The following ZC4H2 variants were observed in gnomAD, a reference collection of about 807,000 sequenced individuals.
ZC4H2 encodes zinc finger C4H2-type containing, also known as zinc finger C4H2 domain-containing protein.
For synonymous variants in ZC4H2, 84 were observed against 66.3 expected (o/e 1.27, Z -1.30); for missense variants, 137 against 173.9 (o/e 0.79, Z 1.19).
chrX:64,984,872 T>G (rs1020533064), intron 1 of ZC4H2, among the ~76,000 whole-genome samples: 1 of 112,268 alleles, frequency 8.9e-6, no homozygotes, highest in Non-Finnish European at 1.9e-5. Flanking sequence ...CAAGGGCAAC[T>G]TGGAGGTTAG....
chrX:64,936,692 G>GA (rs1266054461), intron 1 of ZC4H2, among the ~76,000 whole-genome samples: 4 of 110,827 alleles, frequency 3.6e-5, no homozygotes, highest in Non-Finnish European at 5.7e-5. Flanking sequence ...AAGTGAAGGA[G>GA]AAAAAAAATC....
In ZC4H2 at chrX:64,917,523, C is replaced by A. The variant is rs1302679125; in HGVS notation, c.*260G>T. ...CTTTTGCCCTTCCCTTAGCTCCAAA[C>A]AAGGGCAGGGGTTGAAATGTGAGTG... On this transcript the variant is annotated 3_prime_UTR_variant, in exon 5 of 5. Transcript: ENST00000374839. 2.2e-5 allele frequency: 7 copies of A among 316,525 alleles called. No individual in the cohort carries two copies. In the Admixed American group the frequency reaches 3.6e-4, roughly 16 times the overall value. The allele number at this position is 316,525 out of a possible 1,213,427, so 26.1% of individuals were successfully genotyped here. A position where few individuals can be genotyped will look rare whatever the true frequency, so the allele number is the denominator to read the frequency against.
intron 1 of ZC4H2, among the ~76,000 whole-genome samples, chrX:65,014,325 T>C (rs1932783312): frequency 9.0e-6 from 1 of 111,698 alleles, no homozygotes; most frequent in South Asian, 3.8e-4. Context: ...CACACTAGTG[T>C]GCCTTGGTAC....
intron 1 of ZC4H2, among the ~76,000 whole-genome samples, chrX:64,927,715 C>T (rs967532023): frequency 2.7e-5 from 3 of 112,382 alleles, no homozygotes; most frequent in Admixed American, 1.9e-4. Context: ...ACACTGTCTT[C>T]CACAATGGTT....
chrX:64,935,317 C>T (rs1461615422), intron 1 of ZC4H2, among the ~76,000 whole-genome samples: 2 of 111,931 alleles, frequency 1.8e-5, no homozygotes, highest in Non-Finnish European at 3.8e-5. Flanking sequence ...AAGGCAGGAG[C>T]CCCAGTCAGG....
At chrX:65,028,893 AT>A (rs1260321581) in intron 1 of ZC4H2, among the ~76,000 whole-genome samples, 1 of 111,397 alleles carries the variant, frequency 9.0e-6, no homozygotes, top group African/African-American at 3.3e-5. Context: ...GGGAAAATAC[AT>A]TCAAGCATGG....
At chrX:65,003,535 C>T (rs184557758) in intron 1 of ZC4H2, among the ~76,000 whole-genome samples, 1,287 of 110,689 alleles carry the variant, frequency 0.012, 52 homozygotes, top group Admixed American at 0.099. Context: ...AGACTGCTAG[C>T]GAGACTAATA....
At chrX:65,011,818 C>T (rs946714512) in intron 1 of ZC4H2, among the ~76,000 whole-genome samples, 7 of 109,241 alleles carry the variant, frequency 6.4e-5, no homozygotes, top group Non-Finnish European at 1.3e-4. Context: ...TGGGTTCAAG[C>T]GATTCTCCTG....
chrX:64,954,172 G>T (rs1427189251), intron 1 of ZC4H2, among the ~76,000 whole-genome samples: 6 of 103,122 alleles, frequency 5.8e-5, no homozygotes, highest in African/African-American at 2.2e-4. Flanking sequence ...CTGTTGTGGG[G>T]TTGGGGGAAT....
In ZC4H2 at chrX:64,921,954, G is replaced by A; in HGVS notation, c.88C>T (p.Arg30Cys). Residue 30 changes from arginine (R) to cysteine (C), a missense_variant, in exon 2 of 5, where the codon CGT (arginine) becomes TGT (cysteine). Physicochemically the swap from Arg to Cys is radical, Grantham distance 180. Transcript: ENST00000374839. ...KTLQMEKIKA[R>C]LKAEFEALES... is the part of the protein sequence containing the mutation. Reference sequence around the variant, plus strand: ...AGTGCCTCAAACTCAGCCTTCAAACGAGCCTTGATCTTCTCCATCTGCAGG... The same window carrying A: ...AGTGCCTCAAACTCAGCCTTCAAACAAGCCTTGATCTTCTCCATCTGCAGG... 7.4e-6 allele frequency: 9 copies of A among 1,210,696 alleles called. No individual in the cohort carries two copies. The highest frequency in any genetic ancestry group is 1.0e-5 in the Non-Finnish European group (9 of 895,361).
intron 1 of ZC4H2, among the ~76,000 whole-genome samples, chrX:64,966,273 G>C (rs1193391319): frequency 8.9e-6 from 1 of 112,344 alleles, no homozygotes; most frequent in Non-Finnish European, 1.9e-5. Flanking sequence ...CACTAGGATG[G>C]CTATAATGCC....
chrX:65,011,200 T>C (rs780594327), intron 1 of ZC4H2, among the ~76,000 whole-genome samples: 125 of 112,305 alleles, frequency 1.1e-3, no homozygotes, highest in African/African-American at 3.8e-3. Context: ...AATTCTATGA[T>C]AGGTATTATT....
At chrX:64,952,078 T>G (rs1258383238) in intron 1 of ZC4H2, among the ~76,000 whole-genome samples, 1 of 110,914 alleles carries the variant, frequency 9.0e-6, no homozygotes, top group Non-Finnish European at 1.9e-5. Context: ...CATTGCTTGT[T>G]TTTCTCAGGT....
chrX:64,916,455 A>G lies in ZC4H2; in HGVS notation c.*1328T>C, dbSNP rs1235705566. The G allele has an allele frequency of 8.9e-6, 1 of 112,119 alleles. No individual in the cohort carries two copies. Among genetic ancestry groups the G allele is most frequent in the Non-Finnish European group, 1.9e-5 (1 of 53,206 alleles). The allele number at this position is 112,119 out of a possible 1,213,427, so 9.2% of individuals were successfully genotyped here. ...AATTTACTCCAATGAATGCATGTTA[A>G]AAGGATTTGTACAGACACAACACTC... On this transcript the variant is annotated 3_prime_UTR_variant, in exon 5 of 5. Coordinates refer to ENST00000374839, the MANE Select transcript of ZC4H2 (RefSeq NM_018684.4).
chrX:65,016,950 T>C lies in ZC4H2; in HGVS notation c.-272+17679A>G, dbSNP rs145729317. On this transcript the variant is annotated intron_variant, in intron 1 of 4. Transcript: ENST00000337990. Reference sequence around the variant, plus strand: ...CCCAGCTGCCTGGTCTGTAGTCTAGTGTTCCCATTCTTTGGCCTACAAGTA... The same window carrying C: ...CCCAGCTGCCTGGTCTGTAGTCTAGCGTTCCCATTCTTTGGCCTACAAGTA... 2.4e-3 allele frequency among the ~76,000 whole-genome samples: 274 copies of C among 112,307 alleles called. 1 individual carries two copies. The highest frequency in any genetic ancestry group is 8.5e-3 in the African/African-American group (263 of 30,935).
intron 1 of ZC4H2, among the ~76,000 whole-genome samples, chrX:64,955,293 A>G (rs1052989806): frequency 7.2e-5 from 8 of 111,558 alleles, no homozygotes; most frequent in African/African-American, 2.6e-4. Flanking sequence ...TGGTTGTATA[A>G]AAGTTTTCCC....
At chrX:64,953,542 A>C (rs1273528143) in intron 1 of ZC4H2, among the ~76,000 whole-genome samples, 2 of 112,629 alleles carry the variant, frequency 1.8e-5, no homozygotes, top group Non-Finnish European at 3.7e-5. Context: ...AAAAGAAGAC[A>C]TTTATGCAGC....
intron 1 of ZC4H2, among the ~76,000 whole-genome samples, chrX:64,995,111 TAAAA>T (rs372668451): frequency 2.4e-5 from 2 of 84,037 alleles, no homozygotes; most frequent in Admixed American, 1.3e-4. Flanking sequence ...CCCTTGTCAT[TAAAA>T]AAAAAAAAAA....
intron 1 of ZC4H2, among the ~76,000 whole-genome samples, chrX:64,999,068 T>TA (rs1555948666): frequency 3.0e-4 from 23 of 75,769 alleles, no homozygotes; most frequent in African/African-American, 1.0e-3. Flanking sequence ...TTTTTTTTTT[T>TA]AATCTATTCT....
Sources: gnomAD v4.1 joint callset for allele counts (sites outside exome capture counted in the v4.1 genomes callset) on GRCh38, gnomAD v4.1.1 for gene constraint, MANE v1.5 for transcripts, NCBI Gene and HGNC (gene_info 2026-07-23, HGNC 2026-07-21) for gene names.